The following MSI2 variants were observed in gnomAD, a reference collection of about 807,000 sequenced individuals.
MSI2 encodes the protein musashi RNA binding protein 2.
A neutral mutation model predicts 45.6 loss-of-function variants in MSI2; 17 were observed. That is an observed-to-expected ratio of 0.37 (90% confidence interval 0.26 to 0.56). The LOEUF is 0.56. MSI2 is among the 20% of genes least tolerant of loss of function. The pLI is 0.77. For synonymous variants in MSI2, 156 were observed against 158.2 expected (o/e 0.99, Z 0.11); for missense variants, 293 against 444.2 (o/e 0.66, Z 3.06).
intron 10 of MSI2, among the ~76,000 whole-genome samples, chr17:57,645,043 G>C (rs1240327374): frequency 6.6e-6 from 1 of 152,196 alleles, no homozygotes; most frequent in Non-Finnish European, 1.5e-5. Context: ...CCCAGCCCAT[G>C]GGACAGAGGG....
chr17:57,417,268 G>A (rs1236792063), intron 6 of MSI2, among the ~76,000 whole-genome samples: 1 of 152,150 alleles, frequency 6.6e-6, no homozygotes, highest in Non-Finnish European at 1.5e-5. Flanking sequence ...GTAGGTGGAG[G>A]AGAGGAGGAA....
chr17:57,498,156 C>T (rs2086018778), intron 6 of MSI2, among the ~76,000 whole-genome samples: 1 of 152,172 alleles, frequency 6.6e-6, no homozygotes, highest in Admixed American at 6.5e-5. Context: ...CACTTGCCTT[C>T]CTATTGCTAC....
chr17:57,637,544 C>G (rs561911737), intron 10 of MSI2, among the ~76,000 whole-genome samples: 1 of 152,190 alleles, frequency 6.6e-6, no homozygotes, highest in South Asian at 2.1e-4. Context: ...ACTAAGTGAG[C>G]GCTCAGCTCC....
At chr17:57,657,046 G>A (rs1166283103) in intron 11 of MSI2, among the ~76,000 whole-genome samples, 1 of 152,174 alleles carries the variant, frequency 6.6e-6, no homozygotes, top group Non-Finnish European at 1.5e-5. Flanking sequence ...AACACAGGTG[G>A]GATCTGAACC....
rs531801636 is a variant in MSI2, at chr17:57,435,923, C to A, written c.405+34452C>A. ...GACTTGGGGGATTTGCTCTACTATACACATGGGAAACTGAAGCTCTGAGAG... is the reference window on the plus strand; with the variant it reads ...GACTTGGGGGATTTGCTCTACTATAAACATGGGAAACTGAAGCTCTGAGAG... On this transcript the variant is annotated intron_variant, in intron 6 of 13. Transcript: ENST00000284073. Among the ~76,000 whole-genome samples the A allele has an allele frequency of 2.0e-5, 3 of 152,324 alleles. No homozygotes were observed. The South Asian group carries it at 6.2e-4, about 32-fold the overall frequency.
rs754956164 is a variant in MSI2, at chr17:57,334,591, C to T, written c.313-66788C>T. Among the ~76,000 whole-genome samples, 7 of 152,174 alleles carry T rather than the reference C, an allele frequency of 4.6e-5. No homozygotes were observed. The East Asian group carries it at 7.7e-4, about 17-fold the overall frequency. Reference sequence around the variant, plus strand: ...GGAGGATCGCCTCAGGTCAGGAGTTCGAGACCAGCCTGGCCAACATGGTAA... The same window carrying T: ...GGAGGATCGCCTCAGGTCAGGAGTTTGAGACCAGCCTGGCCAACATGGTAA... On this transcript the variant is annotated intron_variant, in intron 5 of 13. Coordinates refer to ENST00000284073, the MANE Select transcript of MSI2 (RefSeq NM_138962.4).
At chr17:57,633,109 G>T in intron 10 of MSI2, 1 of 1,029,866 alleles carries the variant, frequency 9.7e-7, no homozygotes, top group Non-Finnish European at 1.2e-6. Flanking sequence ...GTTCATCTGT[G>T]CTTCTCCCTG....
chr17:57,682,317 T>TCC lies in MSI2; in HGVS notation c.*2811_*2812dup, dbSNP rs397856811. 0.045 allele frequency: 5,385 copies of TCC among 119,966 alleles called. 322 individuals carry two copies. Among genetic ancestry groups the TCC allele is most frequent in the Admixed American group, 0.058 (540 of 9,256 alleles). 7.4% of individuals were successfully genotyped at this position (119,966 alleles called of 1,614,324 possible). A position where few individuals can be genotyped will look rare whatever the true frequency, so the allele number is the denominator to read the frequency against. On this transcript the variant is annotated 3_prime_UTR_variant, in exon 14 of 14. Transcript: ENST00000284073. ...GGCGGACTCTACGGCGTTTTGTAGA[T>TCC]CCCCCCCCCCCCACCCACTGTGAAG...
intron 5 of MSI2, among the ~76,000 whole-genome samples, chr17:57,269,411 G>A (rs1373188950): frequency 3.3e-5 from 5 of 152,316 alleles, no homozygotes; most frequent in African/African-American, 4.8e-5. Context: ...GGACCATGGC[G>A]GATGCTGTTG....
chr17:57,689,710 A>G, the MSI2 span, among the ~76,000 whole-genome samples: 2 of 152,230 alleles, frequency 1.3e-5, no homozygotes, highest in Non-Finnish European at 2.9e-5. Flanking sequence ...GGTCCCAGAC[A>G]ATAACTGACC....
intron 6 of MSI2, chr17:57,406,954 C>A (rs1015008849): frequency 6.6e-6 from 1 of 152,084 alleles, no homozygotes; most frequent in Admixed American, 6.6e-5. Flanking sequence ...CTGTGGTGGC[C>A]GGGAAGAAAA....
chr17:57,262,312 A>G, intron 5 of MSI2, 120 bp downstream of exon 5: 2 of 1,105,302 alleles, frequency 1.8e-6, no homozygotes, highest in Non-Finnish European at 2.7e-6. Flanking sequence ...CCTTCGGGGT[A>G]TCAGGACAGG....
In MSI2 at chr17:57,456,932, C is replaced by G. The variant is rs961746902; in HGVS notation, c.405+55461C>G. Among the ~76,000 whole-genome samples, 6 of 152,294 alleles carry G rather than the reference C, an allele frequency of 3.9e-5. 1 individual carries two copies. Among genetic ancestry groups the G allele is most frequent in the Admixed American group, 1.3e-4 (2 of 15,300 alleles). ...TTTTCCCACCCAATCTCCATGCACC[C>G]GGGTCCTGTGGTTTCATTGGCACTT... On this transcript the variant is annotated intron_variant, in intron 6 of 13. Transcript: ENST00000284073.
intron 7 of MSI2, among the ~76,000 whole-genome samples, chr17:57,572,600 A>G (rs2087906811): frequency 6.6e-6 from 1 of 152,348 alleles, no homozygotes; most frequent in Admixed American, 6.5e-5. Flanking sequence ...CTCCTGGCAC[A>G]TAAGCAGGTG....
intron 6 of MSI2, among the ~76,000 whole-genome samples, chr17:57,488,491 C>T (rs2085799642): frequency 6.6e-6 from 1 of 152,066 alleles, no homozygotes; most frequent in Non-Finnish European, 1.5e-5. Flanking sequence ...TGGTGAGTAC[C>T]TCTCACTTTT....
chr17:57,615,840 G>A (rs1169874411), intron 8 of MSI2, 130 bp from the exon 9 acceptor site: 23 of 661,232 alleles, frequency 3.5e-5, no homozygotes, highest in Middle Eastern at 2.5e-4. Flanking sequence ...CCATTTACTC[G>A]GCATGGCTAT....
At chr17:57,604,668 T>C (rs1023365574) in intron 8 of MSI2, among the ~76,000 whole-genome samples, 6 of 152,172 alleles carry the variant, frequency 3.9e-5, no homozygotes, top group African/African-American at 1.4e-4. Flanking sequence ...CTGCTACCCT[T>C]CAGCCCAGGG....
rs547267127 is a variant in MSI2 at position 57,439,429 on chromosome 17, G to A, written c.405+37958G>A. On this transcript the variant is annotated intron_variant, in intron 6 of 13. Coordinates refer to ENST00000284073, the MANE Select transcript of MSI2 (RefSeq NM_138962.4). ...CTGTTGGTAGAGATTAGATATTTGC[G>A]GGCAGAGAGTTGGGTCAACCCAAGC... 5.3e-5 allele frequency among the ~76,000 whole-genome samples: 8 copies of A among 152,296 alleles called. No homozygotes were observed. In the East Asian group the frequency reaches 1.2e-3, roughly 22 times the overall value.
At chr17:57,609,301 C>T (rs899451904) in intron 8 of MSI2, among the ~76,000 whole-genome samples, 4 of 152,178 alleles carry the variant, frequency 2.6e-5, no homozygotes, top group African/African-American at 7.2e-5. Flanking sequence ...ACCCTAGAAG[C>T]TGCAGGACCT....
Sources: allele counts gnomAD v4.1 joint callset (sites outside exome capture counted in the v4.1 genomes callset), GRCh38; gene constraint gnomAD v4.1.1; transcripts MANE v1.5; gene names NCBI Gene and HGNC (gene_info 2026-07-23, HGNC 2026-07-21).